Variants in UTP4 observed in about 807,000 individuals in gnomAD.
UTP4 encodes U3 small nucleolar RNA-associated protein 4 homolog.
UTP4 carries 45 observed loss-of-function variants against 82.4 expected under a neutral mutation model. The ratio of observed to expected loss-of-function variants is 0.55; its 90% CI spans 0.43 to 0.70. The LOEUF (loss-of-function observed/expected upper bound fraction) is 0.70. Among genes scored for constraint, UTP4 ranks in the 30% least tolerant of loss-of-function variants. The pLI, the probability that UTP4 is intolerant of heterozygous loss-of-function variation, is 0.00. For synonymous variants in UTP4, 348 were observed against 300.3 expected, an observed-to-expected ratio of 1.16 and a Z score of -1.64; for missense variants, 819 against 858.3, an observed-to-expected ratio of 0.95 and a Z score of 0.57.
intron 5 of UTP4, among the ~76,000 whole-genome samples, chr16:69,141,252 C>G (rs949805579): frequency 6.6e-6 from 1 of 152,226 alleles, no homozygotes; most frequent in African/African-American, 2.4e-5. Flanking sequence ...CCATTGTTCT[C>G]GGGATCTCCT....
At chr16:69,145,219 C>G (rs1453939443) in intron 6 of UTP4, among the ~76,000 whole-genome samples, 1 of 152,128 alleles carries the variant, frequency 6.6e-6, no homozygotes. Context: ...AAGTCCTTGT[C>G]TTCCAAATCT....
chr16:69,151,552 C>T lies in UTP4; in HGVS notation c.1002+648C>T, dbSNP rs568414336. The stretch of plus-strand genomic sequence containing the variant: ...AACCAGGATGGTCTTGATCTCCTGA[C>T]TTCGTGATACGCCCGCCTCGGCCTC... On this transcript the variant is annotated intron_variant, in intron 8 of 16. Transcript: ENST00000314423. Among the ~76,000 whole-genome samples, 9 of 150,126 alleles carry T rather than the reference C, an allele frequency of 6.0e-5. No individual in the cohort carries two copies. The South Asian group carries it at 1.5e-3, about 25-fold the overall frequency.
chr16:69,164,609 T>C (rs1005563032), intron 14 of UTP4, among the ~76,000 whole-genome samples: 5 of 139,084 alleles, frequency 3.6e-5, no homozygotes, highest in African/African-American at 1.3e-4. Flanking sequence ...TATATATATA[T>C]ATATATGTAT....
At chr16:69,146,538 G>A (rs543640285) in intron 6 of UTP4, among the ~76,000 whole-genome samples, 18 of 152,250 alleles carry the variant, frequency 1.2e-4, no homozygotes, top group African/African-American at 4.3e-4. Context: ...GGACGTTTGG[G>A]TTGTTTCCAT....
chr16:69,155,985 C>T lies in UTP4; in HGVS notation c.1279C>T (p.Leu427Phe). ...GAATTATGAACATGACAACATAAGC[C>T]TCAAAAGGGTAAGTGATAGTCCAAT... ...RLNYEHDNIS[L>F]KRVSKMPAFL... Residue 427 changes from leucine to phenylalanine, a missense_variant, in exon 11 of 17, where the codon CTC becomes TTC. Coordinates refer to ENST00000314423, the MANE Select transcript of UTP4 (RefSeq NM_032830.3). 1 of 1,614,050 alleles carries T rather than the reference C, an allele frequency of 6.2e-7. No homozygotes were observed. The highest frequency in any genetic ancestry group is 8.5e-7 in the Non-Finnish European group (1 of 1,180,000).
rs548468963 is a variant in UTP4, at chr16:69,164,148, T to A, written c.1647+970T>A. Among the ~76,000 whole-genome samples, 36 of 152,192 alleles carry A rather than the reference T, an allele frequency of 2.4e-4. No homozygotes were observed. The South Asian group carries it at 6.4e-3, about 27-fold the overall frequency. On this transcript the variant is annotated intron_variant, in intron 14 of 16. Transcript: ENST00000314423. Reference sequence around the variant, plus strand: ...ATCCGCCCGCCTCGGCCTCCCAAAGTGCTGGGATTACAGGCTTGAGCCACC... The same window carrying A: ...ATCCGCCCGCCTCGGCCTCCCAAAGAGCTGGGATTACAGGCTTGAGCCACC...
At chr16:69,135,018 T>G (rs1962775556) in intron 2 of UTP4, among the ~76,000 whole-genome samples, 3 of 140,302 alleles carry the variant, frequency 2.1e-5, no homozygotes, top group African/African-American at 7.8e-5. Flanking sequence ...GTTCTTCTTC[T>G]TTTTTTTTTT....
At chr16:69,156,382 C>T (rs1963415721) in intron 11 of UTP4, among the ~76,000 whole-genome samples, 1 of 151,670 alleles carries the variant, frequency 6.6e-6, no homozygotes, top group Non-Finnish European at 1.5e-5. Flanking sequence ...GTCCTGAACT[C>T]CTGACCTCAA....
chr16:69,140,051 A>G (rs1019804258), intron 5 of UTP4, 137 bp downstream of exon 5: 2 of 729,376 alleles, frequency 2.7e-6, no homozygotes, highest in Admixed American at 2.0e-5. Context: ...AGATGTCCAC[A>G]ATTAATTTTA....
Position 69,150,724 on chromosome 16 carries a change from G to A in UTP4, c.910+16G>A, listed in dbSNP as rs773074674. On this transcript the variant is annotated intron_variant, in intron 7 of 16. Transcript: ENST00000314423. ...ATATCTGGAGGTGGGTTCCCCCTCT[G>A]GTGAGGCTGCTGCTTTACCCTGCCC... 1.2e-6 allele frequency: 2 copies of A among 1,614,136 alleles called. No homozygotes were observed. Among genetic ancestry groups the A allele is most frequent in the Admixed American group, 3.3e-5 (2 of 60,020 alleles).
At chr16:69,133,425 T>C (rs771647170) in intron 1 of UTP4, 33 bp from the exon 2 acceptor site, 7 of 1,608,278 alleles carry the variant, frequency 4.4e-6, no homozygotes. Flanking sequence ...GCAGTTAACA[T>C]ATAGCAATAA....
At chr16:69,144,122 A>C (rs1963042808) in intron 6 of UTP4, among the ~76,000 whole-genome samples, 1 of 149,210 alleles carries the variant, frequency 6.7e-6, no homozygotes, top group Non-Finnish European at 1.5e-5. Flanking sequence ...TCCTGACCTC[A>C]GGTGATCCAC....
chr16:69,138,837 GC>G (rs1309387097), intron 4 of UTP4, among the ~76,000 whole-genome samples: 1 of 152,134 alleles, frequency 6.6e-6, no homozygotes, highest in Non-Finnish European at 1.5e-5. Context: ...GCCTGATTTG[GC>G]CTGTGGGCCA....
In UTP4 at chr16:69,160,410, C is replaced by G. The variant is rs1963532642; in HGVS notation, c.1499C>G (p.Ala500Gly). 1 of 1,614,004 alleles carries G rather than the reference C, an allele frequency of 6.2e-7. No homozygotes were observed. The highest frequency in any genetic ancestry group is 8.5e-7 in the Non-Finnish European group (1 of 1,180,020). Residue 500 changes from alanine (A) to glycine (G), a missense_variant, in exon 13 of 17, where the codon GCT becomes GGT. Ala to Gly is a moderately conservative substitution (Grantham distance 60). Transcript: ENST00000314423. ...GTCAGTCCAGATGGGAATTGGCTAG[C>G]TGCATCAGGTACCAGTGCTGGAGTC... ...LAVSPDGNWL[A>G]ASGTSAGVHV...
chr16:69,135,723 AT>A (rs1365512148), intron 2 of UTP4, among the ~76,000 whole-genome samples: 3 of 152,098 alleles, frequency 2.0e-5, no homozygotes, highest in Non-Finnish European at 4.4e-5. Context: ...GTCAAAAAAA[AT>A]AAATAAATAA....
At chr16:69,167,614 A>T in intron 16 of UTP4, 1 of 174,540 alleles carries the variant, frequency 5.7e-6, no homozygotes, top group Non-Finnish European at 1.2e-5. Flanking sequence ...CCTGGGCACC[A>T]TGGTGAAACC....
chr16:69,164,586 T>TTA (rs58927210), intron 14 of UTP4, among the ~76,000 whole-genome samples: 29,080 of 131,858 alleles, frequency 0.22, 3,427 homozygotes, highest in East Asian at 0.38. Context: ...TAATCATTCT[T>TTA]TATATATATA....
Position 69,163,191 on chromosome 16 carries a change from C to A in UTP4, c.1647+13C>A. ...TTCGGACCAGCAGGTAAGGGAGATTCCAGTGCTTTCTATTCCCTTCCTGCT... is the reference window on the plus strand; with the variant it reads ...TTCGGACCAGCAGGTAAGGGAGATTACAGTGCTTTCTATTCCCTTCCTGCT... On this transcript the variant is annotated intron_variant, in intron 14 of 16. Coordinates refer to ENST00000314423, the MANE Select transcript of UTP4 (RefSeq NM_032830.3). 2.5e-6 allele frequency: 4 copies of A among 1,591,020 alleles called. No individual in the cohort carries two copies. The Admixed American group carries it at 6.7e-5, about 27-fold the overall frequency.
intron 10 of UTP4, among the ~76,000 whole-genome samples, chr16:69,154,776 T>A (rs1469815764): frequency 2.0e-5 from 3 of 152,082 alleles, no homozygotes. Context: ...TTGCCCAAGC[T>A]GGAGTGCAAT....
Sources: allele counts gnomAD v4.1 joint callset (sites outside exome capture counted in the v4.1 genomes callset), GRCh38; gene constraint gnomAD v4.1.1; transcripts MANE v1.5; gene names NCBI Gene and HGNC (gene_info 2026-07-23, HGNC 2026-07-21).